The following CSNK2A2IP variants were observed in gnomAD, a reference collection of about 807,000 sequenced individuals.
The protein encoded by CSNK2A2IP is casein kinase II subunit alpha'-interacting protein.
At chr3:88,451,496 A>G in the CSNK2A2IP span, among the ~76,000 whole-genome samples, 1 of 151,666 alleles carries the variant, frequency 6.6e-6, no homozygotes, top group African/African-American at 2.4e-5. Context: ...CCTCTTGAGT[A>G]AGACAGCAAT....
the CSNK2A2IP span, among the ~76,000 whole-genome samples, chr3:88,379,429 A>G: frequency 9.9e-5 from 15 of 152,244 alleles, no homozygotes; most frequent in South Asian, 2.9e-3. Context: ...TCTCTGTTTT[A>G]GAGGAGGTCA....
the CSNK2A2IP span, among the ~76,000 whole-genome samples, chr3:88,361,364 A>C: frequency 2.0e-5 from 3 of 152,252 alleles, no homozygotes; most frequent in Admixed American, 2.0e-4. Flanking sequence ...CCTTTTTGAA[A>C]AATAACTTTG....
the CSNK2A2IP span, among the ~76,000 whole-genome samples, chr3:88,344,524 A>G: frequency 5.9e-5 from 9 of 152,068 alleles, no homozygotes; most frequent in Admixed American, 5.9e-4. Flanking sequence ...AATTGCTCTT[A>G]TTTTGAGTTT....
At chr3:88,454,128 A>T in the CSNK2A2IP span, among the ~76,000 whole-genome samples, 1 of 152,018 alleles carries the variant, frequency 6.6e-6, no homozygotes, top group African/African-American at 2.4e-5. Flanking sequence ...TAGTTATTCA[A>T]GAAGTTATTT....
chr3:88,342,784 A>G, the CSNK2A2IP span, among the ~76,000 whole-genome samples: 1 of 151,778 alleles, frequency 6.6e-6, no homozygotes, highest in Non-Finnish European at 1.5e-5. Flanking sequence ...GAAACAAATT[A>G]ATACTTTTGT....
At chr3:88,339,169 T>A in the CSNK2A2IP span, among the ~76,000 whole-genome samples, 1 of 152,114 alleles carries the variant, frequency 6.6e-6, no homozygotes, top group African/African-American at 2.4e-5. Context: ...CTATTGACTG[T>A]ATTTTCATAC....
chr3:88,462,065 C>G, the CSNK2A2IP span, among the ~76,000 whole-genome samples: 6 of 149,338 alleles, frequency 4.0e-5, no homozygotes, highest in East Asian at 1.2e-3. Flanking sequence ...AATTCCATTG[C>G]CTTTTTTTAC....
chr3:88,394,744 C>T, the CSNK2A2IP span, among the ~76,000 whole-genome samples: 2 of 152,174 alleles, frequency 1.3e-5, no homozygotes, highest in Admixed American at 1.3e-4. Flanking sequence ...ATATATTTGC[C>T]TTTCGTGAAA....
At chr3:88,380,665 C>T in the CSNK2A2IP span, among the ~76,000 whole-genome samples, 1 of 151,648 alleles carries the variant, frequency 6.6e-6, no homozygotes, top group East Asian at 1.9e-4. Flanking sequence ...ACTGGAATTG[C>T]CCCATGTAAA....
At chr3:88,363,040 G>T in the CSNK2A2IP span, among the ~76,000 whole-genome samples, 7 of 152,038 alleles carry the variant, frequency 4.6e-5, no homozygotes, top group African/African-American at 1.7e-4. Context: ...ATTTTGACAG[G>T]GTGGCAATGA....
At chr3:88,422,517 C>G in the CSNK2A2IP span, among the ~76,000 whole-genome samples, 1 of 152,104 alleles carries the variant, frequency 6.6e-6, no homozygotes, top group African/African-American at 2.4e-5. Flanking sequence ...CACTTGTGGT[C>G]CAAAACAATT....
chr3:88,407,346 A>C, the CSNK2A2IP span, among the ~76,000 whole-genome samples: 1 of 150,904 alleles, frequency 6.6e-6, no homozygotes, highest in Non-Finnish European at 1.5e-5. Flanking sequence ...ATTCATGCAT[A>C]TCTTGTAACA....
chr3:88,367,369 G>T, the CSNK2A2IP span, among the ~76,000 whole-genome samples: 16 of 152,154 alleles, frequency 1.1e-4, no homozygotes, highest in African/African-American at 3.6e-4. Flanking sequence ...GTGTCATAGG[G>T]TCAGAGACAA....
At chr3:88,362,583 CA>C in the CSNK2A2IP span, among the ~76,000 whole-genome samples, 1 of 152,202 alleles carries the variant, frequency 6.6e-6, no homozygotes, top group Non-Finnish European at 1.5e-5. Context: ...TAGACCAGCA[CA>C]GTACTGGGGC....
the CSNK2A2IP span, chr3:88,431,301 T>C: frequency 6.6e-6 from 1 of 152,238 alleles, no homozygotes; most frequent in Non-Finnish European, 1.5e-5. Flanking sequence ...CTGCACTTGA[T>C]AGTCTTAAGA....
the CSNK2A2IP span, among the ~76,000 whole-genome samples, chr3:88,342,070 G>A: frequency 6.6e-6 from 1 of 151,904 alleles, no homozygotes; most frequent in Non-Finnish European, 1.5e-5. Context: ...ATTTGTATGT[G>A]TGTATGTCTT....
the CSNK2A2IP span, among the ~76,000 whole-genome samples, chr3:88,423,262 G>C: frequency 1.3e-5 from 2 of 152,098 alleles, no homozygotes; most frequent in African/African-American, 4.8e-5. Context: ...AATATTCACA[G>C]GAAATATAAG....
the CSNK2A2IP span, among the ~76,000 whole-genome samples, chr3:88,428,105 T>C: frequency 6.6e-6 from 1 of 152,210 alleles, no homozygotes. Flanking sequence ...CAGCATTCCC[T>C]GGATGTGAGA....
chr3:88,433,860 G>C, the CSNK2A2IP span, among the ~76,000 whole-genome samples: 6 of 152,252 alleles, frequency 3.9e-5, no homozygotes, highest in East Asian at 9.7e-4. Flanking sequence ...TGCTTCTGCT[G>C]CTGCTGTCTC....
Sources: gnomAD v4.1 joint callset for allele counts (sites outside exome capture counted in the v4.1 genomes callset) on GRCh38, gnomAD v4.1.1 for gene constraint, MANE v1.5 for transcripts, NCBI Gene and HGNC (gene_info 2026-07-23, HGNC 2026-07-21) for gene names.